EXOC4: variants seen among roughly 807,000 people sequenced by gnomAD.
The protein encoded by EXOC4 is SEC8-like 1.
EXOC4 carries 71 observed loss-of-function variants against 107.2 expected under a neutral mutation model. The observed-to-expected ratio is 0.66, with a 90% CI of 0.55 to 0.81. The LOEUF (loss-of-function observed/expected upper bound fraction) is 0.81, where lower values mean the gene tolerates loss of function less well. Ranked by LOEUF, EXOC4 falls within the 30% of genes least tolerant of loss-of-function variation. The pLI is 0.00. For missense variants in EXOC4, 1,108 were observed against 1,189.6 expected, an observed-to-expected ratio of 0.93 and a Z score of 1.01; for synonymous variants, 456 against 441.2, an observed-to-expected ratio of 1.03 and a Z score of -0.42.
intron 11 of EXOC4, among the ~76,000 whole-genome samples, chr7:133,847,875 ATTTTTTTTTTTTTTTTT>A (rs55923568): frequency 1.2e-5 from 1 of 85,058 alleles, no homozygotes; most frequent in Non-Finnish European, 2.2e-5. Flanking sequence ...TGCCCAGCTA[ATTTTTTTTTTTTTTTTT>A]TTTTTTTTTG....
intron 10 of EXOC4, among the ~76,000 whole-genome samples, chr7:133,736,477 T>C (rs962684014): frequency 1.3e-5 from 2 of 152,228 alleles, no homozygotes; most frequent in African/African-American, 4.8e-5. Context: ...AAGACTCTAA[T>C]ATGCTTTGGG....
intron 14 of EXOC4, among the ~76,000 whole-genome samples, chr7:133,970,994 C>T (rs1801208545): frequency 1.3e-5 from 2 of 151,962 alleles, no homozygotes; most frequent in Non-Finnish European, 2.9e-5. Context: ...AGTTAAAAAC[C>T]CCCAGAGAAG....
At chr7:133,666,997 T>C (rs1188859934) in intron 10 of EXOC4, among the ~76,000 whole-genome samples, 1 of 152,180 alleles carries the variant, frequency 6.6e-6, no homozygotes, top group Non-Finnish European at 1.5e-5. Flanking sequence ...TTCCCTCCTT[T>C]CCCTGTTTCT....
At chr7:133,999,504 C>T (rs1272119882) in intron 15 of EXOC4, among the ~76,000 whole-genome samples, 1 of 152,116 alleles carries the variant, frequency 6.6e-6, no homozygotes, top group African/African-American at 2.4e-5. Flanking sequence ...AAATAAAGCT[C>T]TTTCTGTATA....
At chr7:134,085,874 A>C in the EXOC4 span, among the ~76,000 whole-genome samples, 1 of 152,334 alleles carries the variant, frequency 6.6e-6, no homozygotes, top group African/African-American at 2.4e-5. Flanking sequence ...GGGGGCTTTG[A>C]AAAAGCTCCA....
chr7:133,961,683 G>A (rs997941413), intron 14 of EXOC4, among the ~76,000 whole-genome samples: 2 of 152,210 alleles, frequency 1.3e-5, no homozygotes, highest in Non-Finnish European at 2.9e-5. Context: ...GCAGCACTGG[G>A]AAGCTAACAC....
chr7:133,700,771 T>TAAGGAAC (rs1191243417), intron 10 of EXOC4, among the ~76,000 whole-genome samples: 1 of 152,174 alleles, frequency 6.6e-6, no homozygotes, highest in African/African-American at 2.4e-5. Context: ...AAATATAGTC[T>TAAGGAAC]AAGGAACATT....
At chr7:133,648,326 T>C (rs1803043937) in intron 10 of EXOC4, among the ~76,000 whole-genome samples, 1 of 152,184 alleles carries the variant, frequency 6.6e-6, no homozygotes, top group African/African-American at 2.4e-5. Flanking sequence ...CAGGACTGTC[T>C]CCTTTATAAA....
chr7:133,360,630 T>C (rs1042194230), intron 6 of EXOC4, among the ~76,000 whole-genome samples: 3 of 152,230 alleles, frequency 2.0e-5, no homozygotes, highest in African/African-American at 7.2e-5. Flanking sequence ...TGTTGTAATA[T>C]TGAAGAAAGC....
At chr7:133,475,037 AACTC>A (rs1200255094) in intron 7 of EXOC4, among the ~76,000 whole-genome samples, 5 of 152,290 alleles carry the variant, frequency 3.3e-5, no homozygotes, top group African/African-American at 9.6e-5. Context: ...AATGTTGATT[AACTC>A]ACTCAGCACA....
At chr7:133,755,243 A>AT (rs1491326726) in intron 10 of EXOC4, among the ~76,000 whole-genome samples, 1 of 91,064 alleles carries the variant, frequency 1.1e-5, no homozygotes, top group African/African-American at 4.7e-5. Context: ...TAATATATAT[A>AT]ATATATATAT....
chr7:133,819,063 C>T (rs1444982020), intron 11 of EXOC4, among the ~76,000 whole-genome samples: 1 of 152,092 alleles, frequency 6.6e-6, no homozygotes, highest in Non-Finnish European at 1.5e-5. Flanking sequence ...CCCTCCATAA[C>T]AGGAGATCCT....
At chr7:133,405,449 C>A (rs1042310204) in intron 7 of EXOC4, among the ~76,000 whole-genome samples, 1 of 151,952 alleles carries the variant, frequency 6.6e-6, no homozygotes, top group African/African-American at 2.4e-5. Context: ...TAAGTATTAT[C>A]AAAAAATATT....
intron 1 of EXOC4, among the ~76,000 whole-genome samples, chr7:133,265,197 G>C (rs1288110668): frequency 6.6e-6 from 1 of 152,036 alleles, no homozygotes; most frequent in Non-Finnish European, 1.5e-5. Context: ...CTCGGAGTGA[G>C]GTTCTGAAAC....
Position 133,966,037 on chromosome 7 carries a change from TCA to T in EXOC4, c.2206+27971_2206+27972del, listed in dbSNP as rs527295967. ...TTGTAGTTCTCTTTGAAGAGTTCCTTCACATCCCTTGTAAGTTTGATTCCTAG... is the reference window on the plus strand; with the variant it reads ...TTGTAGTTCTCTTTGAAGAGTTCCTTCATCCCTTGTAAGTTTGATTCCTAG... On this transcript the variant is annotated intron_variant, in intron 14 of 17. Coordinates refer to ENST00000253861, the MANE Select transcript of EXOC4 (RefSeq NM_021807.4). 7.6e-3 allele frequency among the ~76,000 whole-genome samples: 1,153 copies of T among 152,310 alleles called. 16 individuals carry two copies. The highest frequency in any genetic ancestry group is 0.026 in the African/African-American group (1,101 of 41,552).
chr7:134,073,263 G>A, the EXOC4 span, among the ~76,000 whole-genome samples: 1 of 148,454 alleles, frequency 6.7e-6, no homozygotes, highest in African/African-American at 2.5e-5. Context: ...CTATGGCAGG[G>A]TGGACCCAAG....
intron 8 of EXOC4, chr7:133,479,712 G>A (rs1455496612): frequency 1.5e-5 from 4 of 258,350 alleles, no homozygotes; most frequent in Non-Finnish European, 2.3e-5. Flanking sequence ...GACTTCATAG[G>A]ATGCTTTCGT....
intron 17 of EXOC4, among the ~76,000 whole-genome samples, chr7:134,018,585 T>C (rs1794960867): frequency 6.6e-6 from 1 of 152,204 alleles, no homozygotes; most frequent in Admixed American, 6.5e-5. Context: ...CCTTCTCCAA[T>C]GTGCCTGGCC....
At chr7:133,676,740 G>A (rs1794066390) in intron 10 of EXOC4, among the ~76,000 whole-genome samples, 1 of 151,816 alleles carries the variant, frequency 6.6e-6, no homozygotes, top group Non-Finnish European at 1.5e-5. Flanking sequence ...TATCTATGTG[G>A]TATCTAACTG....
Sources: allele counts gnomAD v4.1 joint callset (sites outside exome capture counted in the v4.1 genomes callset), GRCh38; gene constraint gnomAD v4.1.1; transcripts MANE v1.5; gene names NCBI Gene and HGNC (gene_info 2026-07-23, HGNC 2026-07-21).